ZBTB44: variants seen among roughly 807,000 people sequenced by gnomAD.
ZBTB44 encodes zinc finger and BTB domain-containing protein 44.
A neutral mutation model predicts 54.0 loss-of-function variants in ZBTB44; 15 were observed. The observed-to-expected ratio is 0.28, with a 90% CI of 0.19 to 0.43. The LOEUF is 0.43. Among genes scored for constraint, ZBTB44 ranks in the 20% least tolerant of loss-of-function variants. The probability of loss-of-function intolerance (pLI) is 1.00; values close to 1 mark genes in which losing one functional copy is unlikely to be tolerated. For synonymous variants in ZBTB44, 230 were observed against 250.1 expected, an observed-to-expected ratio of 0.92 and a Z score of 0.76; for missense variants, 487 against 707.1, an observed-to-expected ratio of 0.69 and a Z score of 3.53.
intron 1 of ZBTB44, chr11:130,285,445 CCAT>C (rs1940890096): frequency 1.3e-5 from 2 of 153,640 alleles, no homozygotes; most frequent in African/African-American, 4.8e-5. Context: ...GCGTGCACCA[CCAT>C]GACTGGCTAA....
chr11:130,280,241 G>T lies in ZBTB44; in HGVS notation c.-56-18312C>A, dbSNP rs115739844. On this transcript the variant is annotated intron_variant, in intron 1 of 7. Transcript: ENST00000357899. ...TCACAACAATGAAAACACAGAGACA[G>T]CACGAGGAGAAAAAAGAGAAAAACC... Among the ~76,000 whole-genome samples, 1,317 of 152,198 alleles carry T rather than the reference G, an allele frequency of 8.7e-3. 8 individuals carry two copies. The highest frequency in any genetic ancestry group is 0.021 in the African/African-American group (892 of 41,504).
chr11:130,295,270 A>G (rs1941572239), intron 1 of ZBTB44, among the ~76,000 whole-genome samples: 1 of 152,232 alleles, frequency 6.6e-6, no homozygotes, highest in Non-Finnish European at 1.5e-5. Context: ...TGGGCTTATC[A>G]GAAGCTCCAA....
At chr11:130,302,051 CAA>C (rs35397908) in intron 1 of ZBTB44, among the ~76,000 whole-genome samples, 3,378 of 87,534 alleles carry the variant, frequency 0.039, 100 homozygotes, top group African/African-American at 0.099. Context: ...GACCCTGTCT[CAA>C]AAAAAAAAAA....
chr11:130,313,278 G>A (rs1224825973), intron 1 of ZBTB44, among the ~76,000 whole-genome samples: 3 of 152,130 alleles, frequency 2.0e-5, no homozygotes, highest in Non-Finnish European at 4.4e-5. Flanking sequence ...GCATCATTAG[G>A]TTGTTCTGAG....
chr11:130,233,788 T>C (rs1953986336), intron 6 of ZBTB44: 1 of 1,164,120 alleles, frequency 8.6e-7, no homozygotes, highest in African/African-American at 1.6e-5. Context: ...AACATCATGT[T>C]ATTGTGTACT....
intron 1 of ZBTB44, among the ~76,000 whole-genome samples, chr11:130,264,450 A>G (rs1939106365): frequency 6.6e-6 from 1 of 152,196 alleles, no homozygotes; most frequent in Admixed American, 6.5e-5. Context: ...CTCTAAGTTT[A>G]TTAGTTCTTG....
intron 1 of ZBTB44, among the ~76,000 whole-genome samples, chr11:130,278,270 TA>T (rs778896229): frequency 2.7e-4 from 41 of 152,290 alleles, no homozygotes; most frequent in Non-Finnish European, 4.9e-4. Flanking sequence ...TTGGGCAAAA[TA>T]ACCTAACACA....
intron 2 of ZBTB44, among the ~76,000 whole-genome samples, chr11:130,241,695 T>C (rs1954369565): frequency 6.6e-6 from 1 of 152,204 alleles, no homozygotes; most frequent in East Asian, 1.9e-4. Context: ...ATGAACAAAG[T>C]TTAACATTTT....
chr11:130,281,927 T>C (rs1267346681), intron 1 of ZBTB44, among the ~76,000 whole-genome samples: 1 of 152,182 alleles, frequency 6.6e-6, no homozygotes, highest in Non-Finnish European at 1.5e-5. Flanking sequence ...GATGTGCCCA[T>C]GTCATTTTAT....
chr11:130,261,581 G>A lies in ZBTB44; in HGVS notation c.293C>T (p.Thr98Ile). Residue 98 changes from threonine (T) to isoleucine (I), a missense_variant, in exon 2 of 8, where the codon ACA becomes ATA. By Grantham distance (89) the Thr-to-Ile change is moderately conservative (BLOSUM62 -1). Around this residue, in one of 3 missense-constraint regions of ZBTB44, gnomAD observed 90 missense variants for 160.3 expected, o/e 0.56. Transcript: ENST00000357899. This position sits in a 1 kb window ranked among gnomAD's most constrained non-coding sequence, Gnocchi z 4.8. ...YAYTATLSIN[T>I]ENIIDVLAAA... ...TGCTAGAACATCAATAATATTTTCT[G>A]TGTTAATTGATAGAGTGGCTGTGTA... 3 of 1,613,998 alleles carry A rather than the reference G, an allele frequency of 1.9e-6. No individual in the cohort carries two copies. The highest frequency in any genetic ancestry group is 2.5e-6 in the Non-Finnish European group (3 of 1,179,894).
At chr11:130,250,806 CAAAG>C (rs776154931) in intron 2 of ZBTB44, among the ~76,000 whole-genome samples, 9 of 152,184 alleles carry the variant, frequency 5.9e-5, no homozygotes, top group Non-Finnish European at 1.2e-4. Context: ...CCTCAAAGAT[CAAAG>C]ATAGATAAAT....
chr11:130,292,214 G>A (rs867180659), intron 1 of ZBTB44, among the ~76,000 whole-genome samples: 3 of 152,158 alleles, frequency 2.0e-5, no homozygotes, highest in Admixed American at 6.5e-5. Context: ...GAATAAAGCC[G>A]CTATGCACAT....
chr11:130,249,507 C>G (rs1937815011), intron 2 of ZBTB44, among the ~76,000 whole-genome samples: 1 of 152,180 alleles, frequency 6.6e-6, no homozygotes, highest in Non-Finnish European at 1.5e-5. Context: ...TGGCTGCTGG[C>G]AAGATGGCCG....
chr11:130,237,710 A>AAC (rs1272111279), intron 4 of ZBTB44, among the ~76,000 whole-genome samples: 1 of 152,228 alleles, frequency 6.6e-6, no homozygotes, highest in Non-Finnish European at 1.5e-5. Context: ...AACCTTTCAA[A>AAC]ACACAGTCTA....
intron 1 of ZBTB44, chr11:130,296,067 T>C (rs1941623474): frequency 6.3e-7 from 1 of 1,584,308 alleles, no homozygotes; most frequent in African/African-American, 1.3e-5. Context: ...GTATCTTGGA[T>C]GTTGGGTATG....
At chr11:130,279,308 TAA>T (rs757969480) in intron 1 of ZBTB44, among the ~76,000 whole-genome samples, 1,158 of 110,042 alleles carry the variant, frequency 0.011, 7 homozygotes, top group African/African-American at 0.023. Flanking sequence ...TACTGTTATT[TAA>T]AAAAAAAAAA....
chr11:130,279,845 C>T (rs535257921), intron 1 of ZBTB44, among the ~76,000 whole-genome samples: 1 of 152,292 alleles, frequency 6.6e-6, no homozygotes, highest in South Asian at 2.1e-4. Flanking sequence ...AAATTCTACA[C>T]ATTATCTTCC....
intron 1 of ZBTB44, among the ~76,000 whole-genome samples, chr11:130,298,455 GTTTTTTTTTTTT>G (rs996057514): frequency 8.6e-6 from 1 of 116,342 alleles, no homozygotes; most frequent in Admixed American, 8.8e-5. Flanking sequence ...AAAAGTTGAA[GTTTTTTTTTTTT>G]TTTTTTTTTT....
In ZBTB44 at chr11:130,295,835, T is replaced by C. The variant is rs1382268831; in HGVS notation, c.-57+18540A>G. 5.1e-6 allele frequency: 7 copies of C among 1,379,846 alleles called. No individual in the cohort carries two copies. The East Asian group carries it at 9.2e-5, about 18-fold the overall frequency. 85.5% of individuals were successfully genotyped at this position (1,379,846 alleles called of 1,614,324 possible). On this transcript the variant is annotated intron_variant, in intron 1 of 7. Coordinates refer to ENST00000357899, the MANE Select transcript of ZBTB44 (RefSeq NM_001301098.2). Reference sequence around the variant, plus strand: ...CTTGTTCTCTCACCTACTAGAGAATTAGCCATGCAAATTTTTGGTGTTCTT... The same window carrying C: ...CTTGTTCTCTCACCTACTAGAGAATCAGCCATGCAAATTTTTGGTGTTCTT...
Sources: gnomAD v4.1 joint callset for allele counts (sites outside exome capture counted in the v4.1 genomes callset) on GRCh38, gnomAD v4.1.1 for gene constraint, gnomAD v4.1.1 regional missense constraint, Gnocchi (gnomAD v3.1) non-coding constraint, MANE v1.5 for transcripts, NCBI Gene and HGNC (gene_info 2026-07-23, HGNC 2026-07-21) for gene names.